Variants in CYLD observed in about 807,000 individuals in gnomAD.
CYLD encodes CYLD lysine 63 deubiquitinase.
CYLD carries 26 observed loss-of-function variants against 104.5 expected under a neutral mutation model. The ratio of observed to expected loss-of-function variants is 0.25; its 90% CI spans 0.18 to 0.35. The LOEUF (loss-of-function observed/expected upper bound fraction) is 0.35. Ranked by LOEUF, CYLD falls within the 10% of genes least tolerant of loss-of-function variation. The pLI is 1.00. For missense variants in CYLD, 703 were observed against 1,136.1 expected, an observed-to-expected ratio of 0.62 and a Z score of 5.48; for synonymous variants, 385 against 399.9, an observed-to-expected ratio of 0.96 and a Z score of 0.45.
intron 5 of CYLD, among the ~76,000 whole-genome samples, chr16:50,767,226 T>C (rs1370543870): frequency 6.6e-6 from 1 of 152,228 alleles, no homozygotes; most frequent in African/African-American, 2.4e-5. Context: ...GCTCAGATAA[T>C]CATTAACATT....
intron 5 of CYLD, among the ~76,000 whole-genome samples, chr16:50,758,048 G>A (rs1967468148): frequency 6.6e-6 from 1 of 152,142 alleles, no homozygotes; most frequent in Admixed American, 6.6e-5. Context: ...TCATTCTAGT[G>A]AGTGGAGACA....
At chr16:50,774,777 T>G (rs1969496704) in intron 5 of CYLD, among the ~76,000 whole-genome samples, 1 of 152,236 alleles carries the variant, frequency 6.6e-6, no homozygotes, top group Non-Finnish European at 1.5e-5. Context: ...TTTTATTTAA[T>G]ATTTTTGGAC....
chr16:50,749,544 A>T, intron 2 of CYLD, 32 bp from the exon 3 acceptor site: 1 of 720,076 alleles, frequency 1.4e-6, no homozygotes, highest in Non-Finnish European at 2.3e-6. Flanking sequence ...TTGCTTTTTC[A>T]CTAGGCATTT....
chr16:50,781,521 C>A (rs1420871), intron 10 of CYLD, 110 bp downstream of exon 10: 5 of 1,344,260 alleles, frequency 3.7e-6, no homozygotes, highest in African/African-American at 1.4e-5. Context: ...TTCTTGCCAA[C>A]GCTCATTAAG....
chr16:50,764,116 G>A (rs981903594), intron 5 of CYLD, among the ~76,000 whole-genome samples: 6 of 152,032 alleles, frequency 3.9e-5, no homozygotes, highest in East Asian at 1.9e-4. Context: ...TTTGCATCCT[G>A]TTTTTAAAAT....
At chr16:50,742,613 T>G in intron 1 of CYLD, 149 bp from the exon 2 acceptor site, 1 of 218,074 alleles carries the variant, frequency 4.6e-6, no homozygotes. Flanking sequence ...ACGGCCACGG[T>G]TGGCCTCAGG....
In CYLD at chr16:50,755,026, T is replaced by C. The variant is rs527277420; in HGVS notation, c.913+602T>C. Reference sequence around the variant, plus strand: ...ATATACATATATATGTATATATACATATATATGTATATATACATATATATG... The same window carrying C: ...ATATACATATATATGTATATATACACATATATGTATATATACATATATATG... On this transcript the variant is annotated intron_variant, in intron 5 of 18. Coordinates refer to ENST00000427738, the MANE Select transcript of CYLD (RefSeq NM_001378743.1). 1.1e-4 allele frequency among the ~76,000 whole-genome samples: 12 copies of C among 108,478 alleles called. 1 individual carries two copies. Among genetic ancestry groups the C allele is most frequent in the Non-Finnish European group, 1.7e-4 (9 of 51,920 alleles). 71.2% of individuals were successfully genotyped at this position (108,478 alleles called of 152,430 possible). A position where few individuals can be genotyped will look rare whatever the true frequency, so the allele number is the denominator to read the frequency against.
intron 14 of CYLD, 83 bp from the exon 15 acceptor site, chr16:50,791,475 A>G: frequency 1.3e-6 from 2 of 1,493,006 alleles, no homozygotes; most frequent in South Asian, 2.3e-5. Context: ...TTCTGTTCTC[A>G]AATACTGCTG....
At chr16:50,793,811 C>G (rs1971679510) in intron 17 of CYLD, 147 bp downstream of exon 17, 3 of 681,032 alleles carry the variant, frequency 4.4e-6, no homozygotes, top group Non-Finnish European at 5.2e-6. Flanking sequence ...TTTGCCTTTT[C>G]TGTTTACTTG....
chr16:50,775,170 A>G lies in CYLD; in HGVS notation c.918A>G (p.Leu306=). 6.3e-7 allele frequency: 1 copy of G among 1,597,466 alleles called. No homozygotes were observed. The highest frequency in any genetic ancestry group is 8.5e-7 in the Non-Finnish European group (1 of 1,178,490). ...ATCGTTTTTGCTGACACACAGCTTT[A>G]TCAGGTATGACTCCTAAGTGTCGTG... ...LLHINDIIPA[L]SESVTQERRP... The change falls in exon 6 of 19, where the codon TTA becomes TTG. Residue 306 remains leucine (L), a synonymous_variant. Coordinates refer to ENST00000427738, the MANE Select transcript of CYLD (RefSeq NM_001378743.1).
chr16:50,781,516 GC>G, intron 10 of CYLD, 105 bp downstream of exon 10: 1 of 1,392,600 alleles, frequency 7.2e-7, no homozygotes, highest in South Asian at 1.2e-5. Flanking sequence ...TATATTTCTT[GC>G]CAACGCTCAT....
At chr16:50,792,767 A>C in intron 16 of CYLD, 62 bp downstream of exon 16, 1 of 908,544 alleles carries the variant, frequency 1.1e-6, no homozygotes, top group Non-Finnish European at 1.8e-6. Context: ...GATAATTCTC[A>C]TCAGTTGTGG....
At chr16:50,752,692 T>G (rs1054883343) in intron 4 of CYLD, among the ~76,000 whole-genome samples, 1 of 152,206 alleles carries the variant, frequency 6.6e-6, no homozygotes, top group African/African-American at 2.4e-5. Context: ...CAACCTCTGC[T>G]AACCACAATT....
intron 5 of CYLD, among the ~76,000 whole-genome samples, chr16:50,760,622 G>A (rs1474594561): frequency 6.6e-6 from 1 of 152,100 alleles, no homozygotes; most frequent in Admixed American, 6.6e-5. Context: ...TGCAAACAGA[G>A]GTTCTTGTTT....
At chr16:50,763,947 C>T (rs535584092) in intron 5 of CYLD, among the ~76,000 whole-genome samples, 1 of 152,268 alleles carries the variant, frequency 6.6e-6, no homozygotes, top group South Asian at 2.1e-4. Context: ...ACAGTTTTAT[C>T]ATGAATTGAT....
At chr16:50,791,771 T>C in intron 15 of CYLD, 81 bp downstream of exon 15, 1 of 1,476,060 alleles carries the variant, frequency 6.8e-7, no homozygotes, top group South Asian at 1.2e-5. Context: ...TATCTATTGA[T>C]TTTAACTAGC....
At position 50,750,019 on chromosome 16, in the gene CYLD, G is replaced by A. The variant is rs773336310; in HGVS notation, c.321G>A (p.Glu107=). ...TELLLAITNC[E]ERFSLFKNRN... is the part of the protein sequence containing the mutation. ...TACTTTTGGCAATTACCAATTGTGAGGAGAGGTTCAGCCTGTTTAAAAACA... is the reference window on the plus strand; with the variant it reads ...TACTTTTGGCAATTACCAATTGTGAAGAGAGGTTCAGCCTGTTTAAAAACA... Residue 107 remains glutamate (E), a synonymous_variant, in exon 3 of 19, where the codon GAG becomes GAA. Coordinates refer to ENST00000427738, the MANE Select transcript of CYLD (RefSeq NM_001378743.1). The A allele has an allele frequency of 6.2e-7, 1 of 1,614,014 alleles. No homozygotes were observed. The highest frequency in any genetic ancestry group is 1.7e-5 in the Admixed American group (1 of 59,990).
intron 2 of CYLD, among the ~76,000 whole-genome samples, chr16:50,743,808 C>T (rs984119198): frequency 6.6e-6 from 1 of 151,960 alleles, no homozygotes; most frequent in Non-Finnish European, 1.5e-5. Context: ...TGAAATTTTC[C>T]GTATTTGTTT....
intron 12 of CYLD, chr16:50,784,666 C>T (rs1394981570): frequency 2.0e-6 from 1 of 492,784 alleles, no homozygotes; most frequent in African/African-American, 1.9e-5. Flanking sequence ...ATAGCATATT[C>T]CATGAAATGA....
Sources: gnomAD v4.1 joint callset for allele counts (sites outside exome capture counted in the v4.1 genomes callset) on GRCh38, gnomAD v4.1.1 for gene constraint, MANE v1.5 for transcripts, NCBI Gene and HGNC (gene_info 2026-07-23, HGNC 2026-07-21) for gene names.